Variants in RTL4 observed in about 807,000 individuals in gnomAD.
RTL4 encodes the protein retrotransposon Gag like 4, also known as retrotransposon Gag-like protein 4.
RTL4 carries 4 observed loss-of-function variants against 5.3 expected under a neutral mutation model. The observed-to-expected ratio is 0.75, with a 90% CI of 0.37 to 1.72. The LOEUF is 1.72. RTL4 is among the 40% of genes most tolerant of loss of function. The pLI is 0.04. For missense variants in RTL4, 260 were observed against 227.1 expected (o/e 1.14, Z -0.93); for synonymous variants, 98 against 87.3 (o/e 1.12, Z -0.68).
the RTL4 span, among the ~76,000 whole-genome samples, chrX:112,419,337 C>CATT: frequency 4.1e-5 from 1 of 24,375 alleles, no homozygotes; most frequent in Non-Finnish European, 6.5e-5. Flanking sequence ...TTCCATTCAG[C>CATT]TTTTTTTTTT....
At chrX:112,113,361 C>CT in the RTL4 span, among the ~76,000 whole-genome samples, 1 of 111,330 alleles carries the variant, frequency 9.0e-6, no homozygotes, top group Non-Finnish European at 1.9e-5. Flanking sequence ...GGGTGTGAGA[C>CT]TTTCAGGCAT....
the RTL4 span, among the ~76,000 whole-genome samples, chrX:112,335,453 T>C: frequency 8.9e-6 from 1 of 111,840 alleles, no homozygotes; most frequent in Non-Finnish European, 1.9e-5. Context: ...AGCTTTTATC[T>C]CTTCCTGTTT....
chrX:112,161,840 C>CTTTTCTTTCTTTCTTTCTTTCTTT, the RTL4 span, among the ~76,000 whole-genome samples: 1 of 40,066 alleles, frequency 2.5e-5, no homozygotes, highest in African/African-American at 1.2e-4. Context: ...TTCCTTCCTT[C>CTTTTCTTTCTTTCTTTCTTTCTTT]CTTCCTTTCT....
chrX:112,088,944 T>G, the RTL4 span, among the ~76,000 whole-genome samples: 1 of 112,253 alleles, frequency 8.9e-6, no homozygotes, highest in Non-Finnish European at 1.9e-5. Flanking sequence ...TAAATGTTCT[T>G]TAAATGTTCC....
At chrX:112,319,753 C>A in the RTL4 span, among the ~76,000 whole-genome samples, 1 of 111,677 alleles carries the variant, frequency 9.0e-6, no homozygotes. Context: ...TGTAGTCTTT[C>A]ATTTTTTTTT....
upstream of RTL4, among the ~76,000 whole-genome samples, chrX:112,453,172 A>G (rs1411349907): frequency 1.8e-5 from 2 of 111,701 alleles, no homozygotes; most frequent in African/African-American, 6.5e-5. Flanking sequence ...GTCTTCCAAT[A>G]ATTTTTTCAT....
chrX:112,141,302 G>GT, the RTL4 span, among the ~76,000 whole-genome samples: 1 of 111,177 alleles, frequency 9.0e-6, no homozygotes, highest in African/African-American at 3.3e-5. Flanking sequence ...CATTCTTGTT[G>GT]TTTTTTTGTA....
chrX:112,322,738 C>A, the RTL4 span, among the ~76,000 whole-genome samples: 1 of 111,493 alleles, frequency 9.0e-6, no homozygotes, highest in Non-Finnish European at 1.9e-5. Context: ...CATGCTCATA[C>A]ATGTACACAC....
At chrX:112,254,917 A>G in the RTL4 span, among the ~76,000 whole-genome samples, 1 of 112,168 alleles carries the variant, frequency 8.9e-6, no homozygotes, top group African/African-American at 3.2e-5. Context: ...AAAACACCAT[A>G]GTTTTATATG....
At chrX:112,325,700 A>G in the RTL4 span, among the ~76,000 whole-genome samples, 1 of 112,531 alleles carries the variant, frequency 8.9e-6, no homozygotes, top group South Asian at 3.6e-4. Flanking sequence ...TAAAAACCCT[A>G]GAAGAAAACC....
chrX:112,323,230 G>A, the RTL4 span, among the ~76,000 whole-genome samples: 1 of 111,267 alleles, frequency 9.0e-6, no homozygotes, highest in Non-Finnish European at 1.9e-5. Context: ...ACTTTAATTT[G>A]CATTTTCCTG....
At chrX:112,135,795 T>C in the RTL4 span, among the ~76,000 whole-genome samples, 1 of 109,492 alleles carries the variant, frequency 9.1e-6, no homozygotes, top group Non-Finnish European at 1.9e-5. Context: ...TTTTGACTCT[T>C]TGCCAAAAAT....
chrX:112,103,130 A>G, the RTL4 span, among the ~76,000 whole-genome samples: 3 of 111,911 alleles, frequency 2.7e-5, no homozygotes, highest in African/African-American at 9.8e-5. Context: ...ATATATGCAC[A>G]CATGTGTTCA....
the RTL4 span, among the ~76,000 whole-genome samples, chrX:112,085,608 G>A: frequency 9.0e-6 from 1 of 111,444 alleles, no homozygotes; most frequent in South Asian, 3.8e-4. Flanking sequence ...AGCATCCTTG[G>A]CCTCTGTCTG....
At chrX:112,341,989 G>C in the RTL4 span, among the ~76,000 whole-genome samples, 4,361 of 111,201 alleles carry the variant, frequency 0.039, 234 homozygotes, top group African/African-American at 0.14. Context: ...TGCTTCTCCA[G>C]AGGGTATTTG....
At chrX:112,147,836 G>A in the RTL4 span, among the ~76,000 whole-genome samples, 1 of 111,472 alleles carries the variant, frequency 9.0e-6, no homozygotes, top group Admixed American at 9.5e-5. Context: ...AGTTACTTGG[G>A]AGGCTGAGGC....
chrX:112,179,818 G>C, the RTL4 span, among the ~76,000 whole-genome samples: 2 of 111,825 alleles, frequency 1.8e-5, no homozygotes, highest in African/African-American at 6.5e-5. Context: ...ATCAAGGAAA[G>C]GGAATAGATA....
chrX:112,437,434 A>G, the RTL4 span, among the ~76,000 whole-genome samples: 3 of 112,018 alleles, frequency 2.7e-5, no homozygotes, highest in Non-Finnish European at 3.8e-5. Context: ...TCTCATCACA[A>G]AAATGTTAAA....
the RTL4 span, among the ~76,000 whole-genome samples, chrX:112,424,911 G>C: frequency 2.7e-5 from 3 of 110,896 alleles, no homozygotes; most frequent in Non-Finnish European, 5.7e-5. Context: ...TTTTATGATG[G>C]ATGAAGCTAC....
Sources: allele counts gnomAD v4.1 joint callset (sites outside exome capture counted in the v4.1 genomes callset), GRCh38; gene constraint gnomAD v4.1.1; transcripts MANE v1.5; gene names NCBI Gene and HGNC (gene_info 2026-07-23, HGNC 2026-07-21).